The following SH3BP5 variants were observed in gnomAD, a reference collection of about 807,000 sequenced individuals.
SH3BP5 encodes SH3 domain binding protein 5.
In SH3BP5, 22 loss-of-function variants were observed where a neutral mutation model predicts 43.3. The observed-to-expected ratio is 0.51, with a 90% confidence interval of 0.36 to 0.73. The LOEUF (loss-of-function observed/expected upper bound fraction) is 0.73. Ranked by LOEUF, SH3BP5 falls within the 30% of genes least tolerant of loss-of-function variation. SH3BP5 has a pLI of 0.00. For missense variants in SH3BP5, 529 were observed against 586.9 expected (o/e 0.90, Z 1.02); for synonymous variants, 255 against 225.8 (o/e 1.13, Z -1.16).
intron 2 of SH3BP5, among the ~76,000 whole-genome samples, chr3:15,329,258 G>A (rs996515819): frequency 6.6e-6 from 1 of 152,164 alleles, no homozygotes; most frequent in Non-Finnish European, 1.5e-5. Context: ...GAGCTAAAAC[G>A]TGTAAAAAAC....
chr3:15,325,520 C>A (rs1324806023), intron 2 of SH3BP5, among the ~76,000 whole-genome samples: 2 of 152,244 alleles, frequency 1.3e-5, no homozygotes, highest in African/African-American at 4.8e-5. Flanking sequence ...AAACACCCAC[C>A]AGCTGAGTCC....
intron 4 of SH3BP5, among the ~76,000 whole-genome samples, chr3:15,263,971 G>A (rs1261861712): frequency 2.0e-5 from 3 of 152,140 alleles, no homozygotes; most frequent in Admixed American, 1.3e-4. Context: ...CTCAGACCCC[G>A]TAGAACAATT....
intron 3 of SH3BP5, among the ~76,000 whole-genome samples, chr3:15,283,141 T>A (rs2125083491): frequency 6.6e-6 from 1 of 152,336 alleles, no homozygotes; most frequent in African/African-American, 2.4e-5. Context: ...CTCACGCCTG[T>A]AATCTCAGCA....
At chr3:15,304,385 C>T (rs915619746) in intron 2 of SH3BP5, 154 bp from the exon 3 acceptor site, 16 of 1,180,140 alleles carry the variant, frequency 1.4e-5, no homozygotes, top group Middle Eastern at 1.9e-4. Flanking sequence ...AGAGCAGCAC[C>T]GCCCAAAACA....
intron 2 of SH3BP5, among the ~76,000 whole-genome samples, chr3:15,316,853 C>T (rs1559455673): frequency 6.6e-6 from 1 of 152,180 alleles, no homozygotes; most frequent in African/African-American, 2.4e-5. Flanking sequence ...ACTGAAGTTA[C>T]ATAACAACCC....
chr3:15,336,802 G>A (rs1234493808), upstream of SH3BP5, among the ~76,000 whole-genome samples: 1 of 152,036 alleles, frequency 6.6e-6, no homozygotes, highest in African/African-American at 2.4e-5. Context: ...CTTCATCATG[G>A]CTCCCTAGAC....
intron 1 of SH3BP5, chr3:15,339,703 C>CT (rs920352357): frequency 3.3e-5 from 5 of 151,386 alleles, no homozygotes; most frequent in African/African-American, 1.2e-4. Context: ...GAGCAAGACT[C>CT]TATCTCAAAA....
intron 2 of SH3BP5, among the ~76,000 whole-genome samples, chr3:15,323,225 G>A (rs556699497): frequency 8.0e-4 from 122 of 152,276 alleles, no homozygotes; most frequent in African/African-American, 2.8e-3. Context: ...ACAGCGCAAC[G>A]CCCTGCTGAT....
At chr3:15,296,047 G>C (rs1697560261) in intron 3 of SH3BP5, among the ~76,000 whole-genome samples, 1 of 152,168 alleles carries the variant, frequency 6.6e-6, no homozygotes, top group Non-Finnish European at 1.5e-5. Flanking sequence ...GTTGTGACCA[G>C]AGGCTCTCAG....
rs186240567 is a variant in SH3BP5, at chr3:15,320,978, T to C, written c.201+9526A>G. Among the ~76,000 whole-genome samples the C allele has an allele frequency of 1.2e-3, 177 of 152,322 alleles. 1 individual carries two copies. Among genetic ancestry groups the C allele is most frequent in the Admixed American group, 5.3e-3 (81 of 15,306 alleles). ...AGTTTGTATATTATCTTGTTGATAT[T>C]TGTAGCTTAAAAGGAAGAAACGCCT... On this transcript the variant is annotated intron_variant, in intron 2 of 8. Coordinates refer to ENST00000383791, the MANE Select transcript of SH3BP5 (RefSeq NM_004844.5).
At chr3:15,260,942 T>C (rs1388516935) in intron 5 of SH3BP5, among the ~76,000 whole-genome samples, 2 of 152,202 alleles carry the variant, frequency 1.3e-5, no homozygotes, top group African/African-American at 4.8e-5. Context: ...GATGAGTATG[T>C]GATGTGTGTG....
intron 4 of SH3BP5, among the ~76,000 whole-genome samples, chr3:15,264,020 AAAG>A (rs902089214): frequency 2.6e-5 from 4 of 152,338 alleles, no homozygotes; most frequent in South Asian, 2.1e-4. Context: ...CACAGTTAAA[AAAG>A]AAGGCCACAG....
At chr3:15,303,144 T>G (rs1423987953) in intron 3 of SH3BP5, among the ~76,000 whole-genome samples, 1 of 152,152 alleles carries the variant, frequency 6.6e-6, no homozygotes, top group East Asian at 1.9e-4. Context: ...AGTGGACACT[T>G]TTGAAGGCAG....
chr3:15,302,812 CTTTT>C (rs140719216), intron 3 of SH3BP5, among the ~76,000 whole-genome samples: 45 of 146,438 alleles, frequency 3.1e-4, no homozygotes, highest in Non-Finnish European at 5.9e-4. Context: ...TTTTTTCTTT[CTTTT>C]TTTTTTTTCT....
In SH3BP5 at chr3:15,262,151, A is replaced by G. The variant is rs1207738954; in HGVS notation, c.626+8T>C. 6.2e-7 allele frequency: 1 copy of G among 1,614,072 alleles called. No homozygotes were observed. The highest frequency in any genetic ancestry group is 1.3e-5 in the African/African-American group (1 of 75,046). Reference sequence around the variant, plus strand: ...CACGGCCCCAGGGAAGGCCCTGTCCAGACTTACTTGGACTTGTTGATGGCT... The same window carrying G: ...CACGGCCCCAGGGAAGGCCCTGTCCGGACTTACTTGGACTTGTTGATGGCT... On this transcript the variant is annotated splice_region_variant and intron_variant, in intron 5 of 8. Coordinates refer to ENST00000383791, the MANE Select transcript of SH3BP5 (RefSeq NM_004844.5).
chr3:15,276,265 T>C (rs916176763), intron 3 of SH3BP5, among the ~76,000 whole-genome samples: 1 of 152,092 alleles, frequency 6.6e-6, no homozygotes. Context: ...CACATTTGCA[T>C]TGGCTACAAC....
chr3:15,323,428 C>T (rs1022479579), intron 2 of SH3BP5, among the ~76,000 whole-genome samples: 1 of 152,282 alleles, frequency 6.6e-6, no homozygotes, highest in East Asian at 1.9e-4. Context: ...CTGTTTGCAG[C>T]GCCCAGCGGG....
At chr3:15,332,727 T>A, upstream of SH3BP5, 1 of 980,768 alleles carries the variant, frequency 1.0e-6, no homozygotes, top group Non-Finnish European at 1.2e-6. Context: ...CCTCCACATC[T>A]CCAAGGTGGC....
intron 3 of SH3BP5, among the ~76,000 whole-genome samples, chr3:15,278,951 C>T (rs1190475968): frequency 6.6e-6 from 1 of 152,106 alleles, no homozygotes; most frequent in African/African-American, 2.4e-5. Flanking sequence ...GGGCAGATCA[C>T]CTGAGGTCAG....
Sources: allele counts gnomAD v4.1 joint callset (sites outside exome capture counted in the v4.1 genomes callset), GRCh38; gene constraint gnomAD v4.1.1; transcripts MANE v1.5; gene names NCBI Gene and HGNC (gene_info 2026-07-23, HGNC 2026-07-21).